Variants in PIK3C3 observed in about 807,000 individuals in gnomAD.
The protein encoded by PIK3C3 is PI3-kinase type 3.
In PIK3C3, 95 loss-of-function variants were observed where a neutral mutation model predicts 126.1. The ratio of observed to expected loss-of-function variants is 0.75; its 90% CI spans 0.64 to 0.89. The LOEUF (loss-of-function observed/expected upper bound fraction) is 0.89. Ranked by LOEUF, PIK3C3 falls within the 40% of genes least tolerant of loss-of-function variation. PIK3C3 has a pLI of 0.00. For synonymous variants in PIK3C3, 374 were observed against 360.0 expected (o/e 1.04, Z -0.44); for missense variants, 829 against 1,063.2 (o/e 0.78, Z 3.06).
intron 4 of PIK3C3, among the ~76,000 whole-genome samples, chr18:41,971,676 A>G (rs1293838365): frequency 6.6e-6 from 1 of 152,054 alleles, no homozygotes; most frequent in African/African-American, 2.4e-5. Context: ...CAAACCTTGA[A>G]TAGTTAATAT....
chr18:42,037,685 T>A lies in PIK3C3; in HGVS notation c.1840-7T>A. ...CCAAATTTGAAATCAATATTTTTAT[T>A]TTCCAGAGTGCCCTTATGCCTGCAC... On this transcript the variant is annotated splice_region_variant and splice_polypyrimidine_tract_variant and intron_variant, in intron 16 of 24. Coordinates refer to ENST00000262039, the MANE Select transcript of PIK3C3 (RefSeq NM_002647.4). The A allele has an allele frequency of 6.3e-7, 1 of 1,599,626 alleles. No individual in the cohort carries two copies. Among genetic ancestry groups the A allele is most frequent in the East Asian group, 2.2e-5 (1 of 44,652 alleles).
chr18:42,011,121 T>C (rs1260199377), intron 10 of PIK3C3, among the ~76,000 whole-genome samples: 3 of 152,202 alleles, frequency 2.0e-5, no homozygotes, highest in Non-Finnish European at 4.4e-5. Flanking sequence ...TTCTTCCGTT[T>C]ATAGAGCACA....
intron 19 of PIK3C3, among the ~76,000 whole-genome samples, chr18:42,042,585 C>T (rs1984371219): frequency 6.6e-6 from 1 of 152,118 alleles, no homozygotes; most frequent in Non-Finnish European, 1.5e-5. Context: ...GCCCTAATTG[C>T]CATCATTGTT....
intron 9 of PIK3C3, among the ~76,000 whole-genome samples, chr18:41,998,082 A>AT (rs779172680): frequency 2.0e-4 from 31 of 152,178 alleles, no homozygotes; most frequent in Admixed American, 5.2e-4. Flanking sequence ...TAAAGTAAAG[A>AT]TAAAAATCCA....
At chr18:41,980,807 G>T (rs1981160629) in intron 4 of PIK3C3, among the ~76,000 whole-genome samples, 1 of 152,080 alleles carries the variant, frequency 6.6e-6, no homozygotes, top group Non-Finnish European at 1.5e-5. Flanking sequence ...AAATGTATGT[G>T]TTTTAGAGGA....
Position 41,955,367 on chromosome 18 carries a change from A to T in PIK3C3, c.68+8A>T. 1 of 1,611,264 alleles carries T rather than the reference A, an allele frequency of 6.2e-7. No homozygotes were observed. On this transcript the variant is annotated splice_region_variant and intron_variant, in intron 1 of 24. Transcript: ENST00000262039. ...CAACGTCCAGCTTAAGATGTAAGAG[A>T]ACACTCGGGACAGGGAGTGGGATTG...
At chr18:42,053,844 A>G (rs771836924) in intron 21 of PIK3C3, among the ~76,000 whole-genome samples, 2 of 151,968 alleles carry the variant, frequency 1.3e-5, no homozygotes, top group Admixed American at 1.3e-4. Flanking sequence ...ATTTGTAAAT[A>G]ACTGAAAAAT....
chr18:41,999,471 A>G (rs1322049243), intron 9 of PIK3C3, among the ~76,000 whole-genome samples: 2 of 152,190 alleles, frequency 1.3e-5, no homozygotes, highest in Admixed American at 6.5e-5. Flanking sequence ...TTTCTGAGAC[A>G]GTGACATGAG....
chr18:42,056,167 G>GT (rs1420338248), intron 21 of PIK3C3, among the ~76,000 whole-genome samples: 2 of 151,804 alleles, frequency 1.3e-5, no homozygotes, highest in Non-Finnish European at 2.9e-5. Context: ...ATTCCCTTCA[G>GT]TATTTATGAA....
In PIK3C3 at chr18:42,013,424, CT is replaced by C. The variant is rs770216527; in HGVS notation, c.1171-10del. ...GCATTCTTTTCCTAATATTACTTTACTTTTTTTTGTTTTCCAGGATTTGTTG... is the reference window on the plus strand; with the variant it reads ...GCATTCTTTTCCTAATATTACTTTACTTTTTTTGTTTTCCAGGATTTGTTG... On this transcript the variant is annotated splice_polypyrimidine_tract_variant and intron_variant, in intron 10 of 24. Coordinates refer to ENST00000262039, the MANE Select transcript of PIK3C3 (RefSeq NM_002647.4). 265 of 1,432,438 alleles carry C rather than the reference CT, an allele frequency of 1.8e-4. No individual in the cohort carries two copies. The highest frequency in any genetic ancestry group is 3.1e-4 in the South Asian group (22 of 71,888). 88.7% of individuals were successfully genotyped at this position (1,432,438 alleles called of 1,614,324 possible).
chr18:42,021,838 A>G (rs1041464384), intron 13 of PIK3C3, among the ~76,000 whole-genome samples: 6 of 152,214 alleles, frequency 3.9e-5, no homozygotes, highest in Non-Finnish European at 5.9e-5. Flanking sequence ...TTTGGATTTA[A>G]GGTGCTAAGT....
chr18:41,976,407 T>C (rs569536535), intron 4 of PIK3C3, among the ~76,000 whole-genome samples: 2 of 152,222 alleles, frequency 1.3e-5, no homozygotes, highest in Non-Finnish European at 2.9e-5. Flanking sequence ...GATGTCATTA[T>C]TGTTAGTGTT....
chr18:42,053,933 T>G (rs991288035), intron 21 of PIK3C3, among the ~76,000 whole-genome samples: 4 of 151,542 alleles, frequency 2.6e-5, no homozygotes, highest in Non-Finnish European at 4.4e-5. Context: ...GCCCTCCTGA[T>G]CTTGAGTTGC....
chr18:42,002,323 T>C (rs561355874), intron 9 of PIK3C3, among the ~76,000 whole-genome samples: 87 of 152,196 alleles, frequency 5.7e-4, no homozygotes, highest in African/African-American at 2.0e-3. Context: ...GGGTTTGCAT[T>C]GTGGTAAGTG....
chr18:42,046,922 T>A (rs1046987795), intron 20 of PIK3C3, among the ~76,000 whole-genome samples: 3 of 152,192 alleles, frequency 2.0e-5, no homozygotes, highest in African/African-American at 7.2e-5. Flanking sequence ...AACGTATTTA[T>A]GACCATAATC....
chr18:42,067,617 T>G, intron 24 of PIK3C3, 104 bp downstream of exon 24: 1 of 1,308,464 alleles, frequency 7.6e-7, no homozygotes, highest in Non-Finnish European at 1.1e-6. Flanking sequence ...TCTTTTCTGT[T>G]TTTCTATCAA....
At chr18:42,077,636 A>G (rs1986080233) in intron 24 of PIK3C3, among the ~76,000 whole-genome samples, 1 of 152,176 alleles carries the variant, frequency 6.6e-6, no homozygotes, top group South Asian at 2.1e-4. Flanking sequence ...GTTCTCTTGT[A>G]GTTTCCACCA....
chr18:42,002,962 G>A (rs775100353), intron 9 of PIK3C3, among the ~76,000 whole-genome samples: 2 of 152,172 alleles, frequency 1.3e-5, no homozygotes, highest in African/African-American at 2.4e-5. Flanking sequence ...GGAATGGAGC[G>A]CCTTAATGGT....
At chr18:41,985,070 C>A (rs1189392425) in intron 4 of PIK3C3, 4 of 152,092 alleles carry the variant, frequency 2.6e-5, no homozygotes, top group Non-Finnish European at 4.4e-5. Flanking sequence ...CCTGGTATCC[C>A]GGCTAAGCCC....
Sources: gnomAD v4.1 joint callset for allele counts (sites outside exome capture counted in the v4.1 genomes callset) on GRCh38, gnomAD v4.1.1 for gene constraint, MANE v1.5 for transcripts, NCBI Gene and HGNC (gene_info 2026-07-23, HGNC 2026-07-21) for gene names.